MOB3B: variants seen among roughly 807,000 people sequenced by gnomAD.
The protein encoded by MOB3B is MOB kinase activator 3B.
A neutral mutation model predicts 18.7 loss-of-function variants in MOB3B; 7 were observed. That is an observed-to-expected ratio of 0.37 (90% CI 0.21 to 0.70). The LOEUF (loss-of-function observed/expected upper bound fraction) is 0.70, where lower values mean the gene tolerates loss of function less well. Among genes scored for constraint, MOB3B ranks in the 30% least tolerant of loss-of-function variants. The pLI, the probability that MOB3B is intolerant of heterozygous loss-of-function variation, is 0.52. For missense variants in MOB3B, 253 were observed against 281.3 expected (o/e 0.90, Z 0.72); for synonymous variants, 111 against 99.9 (o/e 1.11, Z -0.66).
At chr9:27,500,572 C>T (rs893415259) in intron 1 of MOB3B, among the ~76,000 whole-genome samples, 1 of 152,156 alleles carries the variant, frequency 6.6e-6, no homozygotes, top group African/African-American at 2.4e-5. Flanking sequence ...TGGATCCCTT[C>T]CTTACACCTT....
At chr9:27,480,277 C>T (rs1446013298) in intron 1 of MOB3B, among the ~76,000 whole-genome samples, 2 of 150,982 alleles carry the variant, frequency 1.3e-5, no homozygotes, top group African/African-American at 4.9e-5. Context: ...ACTGGGACTA[C>T]AGGCACATGC....
At chr9:27,439,713 A>T (rs1303543903) in intron 2 of MOB3B, among the ~76,000 whole-genome samples, 1 of 152,120 alleles carries the variant, frequency 6.6e-6, no homozygotes, top group African/African-American at 2.4e-5. Context: ...GCTGTCTTTG[A>T]ATATATTCAT....
chr9:27,450,047 C>A (rs916329859), intron 2 of MOB3B, among the ~76,000 whole-genome samples: 1 of 151,922 alleles, frequency 6.6e-6, no homozygotes, highest in African/African-American at 2.4e-5. Context: ...CCCCAACATC[C>A]CATGTCTGAG....
At chr9:27,470,581 T>C (rs1819456342) in intron 1 of MOB3B, among the ~76,000 whole-genome samples, 1 of 152,216 alleles carries the variant, frequency 6.6e-6, no homozygotes, top group Non-Finnish European at 1.5e-5. Context: ...CCTTCCTTTG[T>C]ATCTAAACAG....
intron 2 of MOB3B, chr9:27,378,680 C>T: frequency 2.1e-6 from 1 of 471,078 alleles, no homozygotes; most frequent in South Asian, 1.5e-5. Flanking sequence ...CAGAACCACA[C>T]CTGGGGAATC....
chr9:27,378,586 T>C (rs1821525367), intron 2 of MOB3B: 1 of 471,022 alleles, frequency 2.1e-6, no homozygotes, highest in Non-Finnish European at 4.4e-6. Context: ...TGTGCCAGTC[T>C]GTGTTCTTCT....
At chr9:27,497,066 TA>T (rs1819913653) in intron 1 of MOB3B, among the ~76,000 whole-genome samples, 1 of 152,204 alleles carries the variant, frequency 6.6e-6, no homozygotes, top group African/African-American at 2.4e-5. Context: ...CTTCATAGAG[TA>T]AAAATATCTA....
At chr9:27,422,009 T>G (rs1445142584) in intron 2 of MOB3B, among the ~76,000 whole-genome samples, 1 of 152,196 alleles carries the variant, frequency 6.6e-6, no homozygotes, top group Admixed American at 6.5e-5. Context: ...GTCTTTATTG[T>G]TCTCTGCTGT....
At chr9:27,483,300 T>C (rs1264944773) in intron 1 of MOB3B, among the ~76,000 whole-genome samples, 2 of 151,842 alleles carry the variant, frequency 1.3e-5, no homozygotes, top group Non-Finnish European at 2.9e-5. Flanking sequence ...ACCTGGCTAA[T>C]TTTTTGTATT....
At chr9:27,440,575 C>T (rs1042596341) in intron 2 of MOB3B, among the ~76,000 whole-genome samples, 1 of 152,066 alleles carries the variant, frequency 6.6e-6, no homozygotes, top group Non-Finnish European at 1.5e-5. Flanking sequence ...TGGTGGTGGT[C>T]CACCACTCTC....
At chr9:27,396,579 T>C (rs1430554376) in intron 2 of MOB3B, among the ~76,000 whole-genome samples, 1 of 152,236 alleles carries the variant, frequency 6.6e-6, no homozygotes, top group Admixed American at 6.5e-5. Context: ...CTTACTACTT[T>C]ATGTTTCCCA....
intron 2 of MOB3B, among the ~76,000 whole-genome samples, chr9:27,389,476 G>A (rs983854467): frequency 2.6e-5 from 3 of 114,748 alleles, no homozygotes; most frequent in African/African-American, 7.4e-5. Context: ...CTCACTGCTC[G>A]GACACTTTTC....
chr9:27,474,106 C>T (rs982342843), intron 1 of MOB3B, among the ~76,000 whole-genome samples: 6 of 152,160 alleles, frequency 3.9e-5, no homozygotes, highest in Non-Finnish European at 7.3e-5. Context: ...TATCTTGTTA[C>T]AGGTAGCCTG....
chr9:27,455,102 C>CA (rs1336393350), intron 2 of MOB3B, 31 bp downstream of exon 2: 1 of 1,612,574 alleles, frequency 6.2e-7, no homozygotes, highest in Admixed American at 1.7e-5. Flanking sequence ...GTGCAGGTGA[C>CA]AAAAAAACTG....
At chr9:27,362,932 A>C (rs1485086594) in intron 2 of MOB3B, among the ~76,000 whole-genome samples, 1 of 152,230 alleles carries the variant, frequency 6.6e-6, no homozygotes, top group Non-Finnish European at 1.5e-5. Context: ...GGAAGAGGTT[A>C]TCCCTTCAGA....
Position 27,412,314 on chromosome 9 carries a change from T to A in MOB3B, c.418+42819A>T, listed in dbSNP as rs1186785419. The stretch of plus-strand genomic sequence containing the variant: ...GGTGCCTTTCCTTTCCTGGAGATTC[T>A]TCCCCAGAGCAATATCTTAAAGATT... On this transcript the variant is annotated intron_variant, in intron 2 of 3. Transcript: ENST00000262244. 2.7e-5 allele frequency among the ~76,000 whole-genome samples: 4 copies of A among 150,652 alleles called. No homozygotes were observed. The East Asian group carries it at 7.8e-4, about 30-fold the overall frequency.
chr9:27,361,029 A>T (rs1245462471), intron 2 of MOB3B, among the ~76,000 whole-genome samples: 2 of 152,144 alleles, frequency 1.3e-5, no homozygotes, highest in African/African-American at 4.8e-5. Context: ...GAGTCTTTGA[A>T]GCCTGAGTCC....
chr9:27,443,869 T>G (rs956450651), intron 2 of MOB3B, among the ~76,000 whole-genome samples: 1 of 152,148 alleles, frequency 6.6e-6, no homozygotes, highest in Non-Finnish European at 1.5e-5. Context: ...ACTGGCCTTC[T>G]CCTTGGGCTG....
intron 2 of MOB3B, among the ~76,000 whole-genome samples, chr9:27,413,510 C>A (rs1822104110): frequency 6.6e-6 from 1 of 152,162 alleles, no homozygotes; most frequent in Non-Finnish European, 1.5e-5. Context: ...GTTATGCCCA[C>A]TGATAAAGCA....
Sources: allele counts gnomAD v4.1 joint callset (sites outside exome capture counted in the v4.1 genomes callset), GRCh38; gene constraint gnomAD v4.1.1; transcripts MANE v1.5; gene names NCBI Gene and HGNC (gene_info 2026-07-23, HGNC 2026-07-21).